Variants in CREB3 observed in about 807,000 individuals in gnomAD.
CREB3 encodes cAMP responsive element binding protein 3, also known as cyclic AMP-responsive element-binding protein 3.
In CREB3, 29 loss-of-function variants were observed where a neutral mutation model predicts 34.5. That is an observed-to-expected ratio of 0.84 (90% CI 0.63 to 1.15). The LOEUF (loss-of-function observed/expected upper bound fraction) is 1.15. Ranked by LOEUF, CREB3 falls within the 50% of genes most tolerant of loss-of-function variation. The pLI is 0.00. For synonymous variants in CREB3, 187 were observed against 173.9 expected (o/e 1.08, Z -0.59); for missense variants, 447 against 443.4 (o/e 1.01, Z -0.07).
rs1331103226 is a variant in CREB3 at position 35,732,946 on chromosome 9, G to A, written c.129+45G>A. 15 of 1,612,984 alleles carry A rather than the reference G, an allele frequency of 9.3e-6. 1 individual carries two copies. In the East Asian group the frequency reaches 2.9e-4, roughly 31 times the overall value. Reference sequence around the variant, plus strand: ...GGGGAAAGCGTGGGATGTCCATGAAGTCAGGTGATGGTGATAAGGTCAAGG... The same window carrying A: ...GGGGAAAGCGTGGGATGTCCATGAAATCAGGTGATGGTGATAAGGTCAAGG... On this transcript the variant is annotated intron_variant, in intron 1 of 8. Coordinates refer to ENST00000353704, the MANE Select transcript of CREB3 (RefSeq NM_006368.5). This position sits in a 1 kb window ranked among gnomAD's most constrained non-coding sequence, Gnocchi z 5.1.
chr9:35,733,028 GTGCTCCC>G lies in CREB3; in HGVS notation c.167_173del (p.Ser56Ter). 1 of 1,614,232 alleles carries G rather than the reference GTGCTCCC, an allele frequency of 6.2e-7. No homozygotes were observed. The highest frequency in any genetic ancestry group is 8.5e-7 in the Non-Finnish European group (1 of 1,180,042). On this transcript the variant is annotated frameshift_variant, in exon 2 of 9. Transcript: ENST00000353704. LOFTEE classifies it high-confidence loss of function. ...GCGACTGGGAAGTAGATGATTTGCT[GTGCTCCC>G]TGCTGAGTCCCCCAGCGTCGTTGAA...
chr9:35,734,293 G>T (rs1826153831), intron 4 of CREB3, among the ~76,000 whole-genome samples: 1 of 152,134 alleles, frequency 6.6e-6, no homozygotes, highest in Non-Finnish European at 1.5e-5. Flanking sequence ...GTGTGATGTG[G>T]CTACTAAGAA....
At position 35,732,974 on chromosome 9, in the gene CREB3, T is replaced by G. The variant is rs1450974570; in HGVS notation, c.130-22T>G. 10 of 1,613,800 alleles carry G rather than the reference T, an allele frequency of 6.2e-6. No homozygotes were observed. The highest frequency in any genetic ancestry group is 8.5e-6 in the Non-Finnish European group (10 of 1,179,854). Reference sequence around the variant, plus strand: ...AGGTGATGGTGATAAGGTCAAGGCCTGTTCATTGGAACCCTGCGCAGGTAC... The same window carrying G: ...AGGTGATGGTGATAAGGTCAAGGCCGGTTCATTGGAACCCTGCGCAGGTAC... On this transcript the variant is annotated intron_variant, in intron 1 of 8. Transcript: ENST00000353704. The surrounding 1 kb of genome is among the most constrained non-coding windows in gnomAD (Gnocchi z 5.1).
In CREB3 at chr9:35,733,429, A is replaced by G. The variant is rs558162232; in HGVS notation, c.379A>G (p.Lys127Glu). 6 of 1,613,856 alleles carry G rather than the reference A, an allele frequency of 3.7e-6. No homozygotes were observed. Among genetic ancestry groups the G allele is most frequent in the South Asian group, 1.1e-5 (1 of 91,086 alleles). Residue 127 changes from lysine to glutamate, a missense_variant, in exon 4 of 9, where the codon AAG becomes GAG. Coordinates refer to ENST00000353704, the MANE Select transcript of CREB3 (RefSeq NM_006368.5). ...TAGGCTAGTACTGACAGATGAGGAGAAGAGTCTATTGGAGAAGGAGGGGCT... is the reference window on the plus strand; with the variant it reads ...TAGGCTAGTACTGACAGATGAGGAGGAGAGTCTATTGGAGAAGGAGGGGCT... ...IARLVLTDEE[K>E]SLLEKEGLIL... is the part of the protein sequence containing the mutation.
Position 35,733,452 on chromosome 9 carries a change from G to A in CREB3, c.402G>A (p.Gly134=), listed in dbSNP as rs756700920. The change falls in exon 4 of 9, where the codon GGG becomes GGA. Residue 134 remains glycine, a synonymous_variant. Transcript: ENST00000353704. ...DEEKSLLEKE[G]LILPETLPLT... is the part of the protein sequence containing the mutation. ...AGAAGAGTCTATTGGAGAAGGAGGG[G>A]CTTATTCTGCCTGAGACACTTCCTC... The A allele has an allele frequency of 2.5e-6, 4 of 1,613,474 alleles. No homozygotes were observed. The highest frequency in any genetic ancestry group is 2.2e-5 in the East Asian group (1 of 44,876).
In CREB3 at chr9:35,733,505, A is replaced by G. The variant is rs1178419803; in HGVS notation, c.435+20A>G. 1 of 1,576,472 alleles carries G rather than the reference A, an allele frequency of 6.3e-7. No individual in the cohort carries two copies. Among genetic ancestry groups the G allele is most frequent in the Non-Finnish European group, 8.7e-7 (1 of 1,146,540 alleles). On this transcript the variant is annotated intron_variant, in intron 4 of 8. Coordinates refer to ENST00000353704, the MANE Select transcript of CREB3 (RefSeq NM_006368.5). Reference sequence around the variant, plus strand: ...ACTAAGGTAAGACTCTCATTGGTTGAACAAAGGCTGAAAAGGGATTAAAAG... The same window carrying G: ...ACTAAGGTAAGACTCTCATTGGTTGGACAAAGGCTGAAAAGGGATTAAAAG...
At position 35,733,130 on chromosome 9, in the gene CREB3, C is replaced by G; in HGVS notation, c.264C>G (p.Val88=). The part of the protein sequence containing the change: ...DHTYSLPRET[V]SMDLESESCR... The stretch of plus-strand genomic sequence containing the variant: ...CCTACTCCCTCCCACGGGAAACTGT[C>G]TCTATGGATCTAGGTGAGTCTGAAA... Residue 88 remains valine (V), a synonymous_variant, in exon 2 of 9, where the codon GTC becomes GTG. Coordinates refer to ENST00000353704, the MANE Select transcript of CREB3 (RefSeq NM_006368.5). The G allele has an allele frequency of 6.2e-7, 1 of 1,614,238 alleles. No homozygotes were observed. Among genetic ancestry groups the G allele is most frequent in the Non-Finnish European group, 8.5e-7 (1 of 1,180,052 alleles).
At chr9:35,734,449 CTTT>C (rs113624223) in intron 4 of CREB3, among the ~76,000 whole-genome samples, 5 of 146,598 alleles carry the variant, frequency 3.4e-5, no homozygotes, top group African/African-American at 1.2e-4. Flanking sequence ...AAAATTTTGT[CTTT>C]TTTTTTTTCT....
Position 35,736,122 on chromosome 9 carries a change from C to G in CREB3, c.686C>G (p.Thr229Ser). The change falls in exon 7 of 9, where the codon ACC (threonine) becomes AGC (serine). Residue 229 changes from threonine to serine, a missense_variant. Transcript: ENST00000353704. Reference sequence around the variant, plus strand: ...TCAAACAAAACCAGCAGCAGCAGCACCTGCATCTTGGTGAGGATGGTGATG... The same window carrying G: ...TCAAACAAAACCAGCAGCAGCAGCAGCTGCATCTTGGTGAGGATGGTGATG... Reference protein sequence around the residue: ...EISNKTSSSSTCILVLLVSFC... With the variant: ...EISNKTSSSSSCILVLLVSFC... 5 of 1,613,972 alleles carry G rather than the reference C, an allele frequency of 3.1e-6. No individual in the cohort carries two copies. Among genetic ancestry groups the G allele is most frequent in the Non-Finnish European group, 4.2e-6 (5 of 1,179,858 alleles).
chr9:35,733,159 G>A lies in CREB3; in HGVS notation c.277+16G>A. 1 of 1,614,196 alleles carries A rather than the reference G, an allele frequency of 6.2e-7. No individual in the cohort carries two copies. The highest frequency in any genetic ancestry group is 1.1e-5 in the South Asian group (1 of 91,084). ...ATGGATCTAGGTGAGTCTGAAATAA[G>A]TTTGCGGGGAGGACAGGGTTCATGG... On this transcript the variant is annotated intron_variant, in intron 2 of 8. Coordinates refer to ENST00000353704, the MANE Select transcript of CREB3 (RefSeq NM_006368.5).
chr9:35,736,353 A>G (rs1474475870), intron 8 of CREB3, 39 bp from the exon 9 acceptor site: 7 of 1,613,068 alleles, frequency 4.3e-6, no homozygotes, highest in Non-Finnish European at 5.9e-6. Context: ...GCAAGGGGAG[A>G]GGTCTGGGTT....
At position 35,736,954 on chromosome 9, in the gene CREB3, C is replaced by T. The variant is rs932426169; in HGVS notation, c.*228C>T. 1.4e-5 allele frequency: 11 copies of T among 797,448 alleles called. No homozygotes were observed. The highest frequency in any genetic ancestry group is 8.1e-5 in the East Asian group (3 of 37,238). 49.4% of individuals were successfully genotyped at this position (797,448 alleles called of 1,614,324 possible). A position where few individuals can be genotyped will look rare whatever the true frequency, so the allele number is the denominator to read the frequency against. Reference sequence around the variant, plus strand: ...TCAACTGACCTCCCTGAACATTTCACGCAGTCAGGGAACAGGTGAGGAAAG... The same window carrying T: ...TCAACTGACCTCCCTGAACATTTCATGCAGTCAGGGAACAGGTGAGGAAAG... On this transcript the variant is annotated 3_prime_UTR_variant, in exon 9 of 9. Transcript: ENST00000353704.
intron 2 of CREB3, 21 bp downstream of exon 2, chr9:35,733,164 C>G: frequency 6.2e-7 from 1 of 1,614,128 alleles, no homozygotes; most frequent in Non-Finnish European, 8.5e-7. Flanking sequence ...AATAAGTTTG[C>G]GGGGAGGACA....
In CREB3 at chr9:35,732,798, A is replaced by G. The variant is rs1274200569; in HGVS notation, c.26A>G (p.Asp9Gly). Residue 9 changes from aspartate (D) to glycine (G), a missense_variant, in exon 1 of 9, where the codon GAC (aspartate) becomes GGC (glycine). Transcript: ENST00000353704. This position sits in a 1 kb window ranked among gnomAD's most constrained non-coding sequence, Gnocchi z 5.1. ...ATGGAGCTGGAATTGGATGCTGGTG[A>G]CCAAGACCTGCTGGCCTTCCTGCTA... MELELDAG[D>G]QDLLAFLLEE... 2 of 1,613,578 alleles carry G rather than the reference A, an allele frequency of 1.2e-6. No homozygotes were observed. Among genetic ancestry groups the G allele is most frequent in the Non-Finnish European group, 1.7e-6 (2 of 1,179,812 alleles).
intron 4 of CREB3, among the ~76,000 whole-genome samples, chr9:35,734,805 C>T (rs1048164231): frequency 6.6e-6 from 1 of 152,216 alleles, no homozygotes; most frequent in African/African-American, 2.4e-5. Flanking sequence ...GTTGCTCAGG[C>T]TGGTCTCAAA....
At position 35,732,935 on chromosome 9, in the gene CREB3, A is replaced by C; in HGVS notation, c.129+34A>C. The C allele has an allele frequency of 6.2e-7, 1 of 1,612,964 alleles. No homozygotes were observed. The highest frequency in any genetic ancestry group is 1.1e-5 in the South Asian group (1 of 90,970). On this transcript the variant is annotated intron_variant, in intron 1 of 8. Transcript: ENST00000353704. This position sits in a 1 kb window ranked among gnomAD's most constrained non-coding sequence, Gnocchi z 5.1. ...GGGTTCTGACTGGGGAAAGCGTGGG[A>C]TGTCCATGAAGTCAGGTGATGGTGA...
At position 35,736,605 on chromosome 9, in the gene CREB3, TCTTCTC is replaced by T. The variant is rs766340690; in HGVS notation, c.996_1001del (p.Phe333_Ser334del). 3 of 1,613,852 alleles carry T rather than the reference TCTTCTC, an allele frequency of 1.9e-6. No individual in the cohort carries two copies. The highest frequency in any genetic ancestry group is 8.5e-7 in the Non-Finnish European group (1 of 1,180,024). On this transcript the variant is annotated inframe_deletion, in exon 9 of 9. Coordinates refer to ENST00000353704, the MANE Select transcript of CREB3 (RefSeq NM_006368.5). ...CCCCTGGAGTGGCCATTCCCTGACC[TCTTCTC>T]AGAGCCTCTCTGCCGAGGTCCCATC...
chr9:35,736,176 G>A (rs761315850), intron 7 of CREB3, 44 bp downstream of exon 7: 44 of 1,612,210 alleles, frequency 2.7e-5, no homozygotes, highest in Non-Finnish European at 3.7e-5. Context: ...TCAGTTGGTG[G>A]GGACAGGGCA....
Position 35,736,644 on chromosome 9 carries a change from T to C in CREB3, c.1034T>C (p.Leu345Pro). The C allele has an allele frequency of 6.2e-7, 1 of 1,613,688 alleles. No individual in the cohort carries two copies. Among genetic ancestry groups the C allele is most frequent in the Non-Finnish European group, 8.5e-7 (1 of 1,180,002 alleles). The change falls in exon 9 of 9, where the codon CTG (leucine) becomes CCG (proline). Residue 345 changes from leucine to proline, a missense_variant. Physicochemically the swap from Leu to Pro is moderately conservative, Grantham distance 98. Coordinates refer to ENST00000353704, the MANE Select transcript of CREB3 (RefSeq NM_006368.5). ...CTCTGCCGAGGTCCCATCCTCCCCCTGCAGGCAAATCTCACAAGGAAGGGA... is the reference window on the plus strand; with the variant it reads ...CTCTGCCGAGGTCCCATCCTCCCCCCGCAGGCAAATCTCACAAGGAAGGGA... ...EPLCRGPILP[L>P]QANLTRKGGW...
Sources: allele counts gnomAD v4.1 joint callset (sites outside exome capture counted in the v4.1 genomes callset), GRCh38; gene constraint gnomAD v4.1.1; non-coding constraint Gnocchi (gnomAD v3.1); transcripts MANE v1.5; gene names NCBI Gene and HGNC (gene_info 2026-07-23, HGNC 2026-07-21).